Variants in MAP1B observed in about 807,000 individuals in gnomAD.
MAP1B encodes microtubule-associated protein 1B.
Under a neutral mutation model 176.1 loss-of-function variants are expected in MAP1B, and 12 were observed. The ratio of observed to expected loss-of-function variants is 0.07; its 90% CI spans 0.04 to 0.11. MAP1B has a LOEUF of 0.11. Among genes scored for constraint, MAP1B ranks in the 10% least tolerant of loss-of-function variants. The pLI is 1.00. For missense variants in MAP1B, 2,523 were observed against 2,990.5 expected, an observed-to-expected ratio of 0.84 and a Z score of 3.65; for synonymous variants, 1,044 against 1,135.0, an observed-to-expected ratio of 0.92 and a Z score of 1.61.
In MAP1B at chr5:72,193,894, C is replaced by T. The variant is rs759211941; in HGVS notation, c.539C>T (p.Pro180Leu). The part of the protein sequence containing the change: ...EIGELLSTTH[P>L]ANKASLTLFC... ...GGGGAGTTACTAAGCACCACCCATC[C>T]TGCCAACAAAGCCAGCTTAACCCTG... The change falls in exon 5 of 7, where the codon CCT becomes CTT. Residue 180 changes from proline (P) to leucine (L), a missense_variant. By Grantham distance (98) the Pro-to-Leu change is moderately conservative. Transcript: ENST00000296755. The T allele has an allele frequency of 6.2e-7, 1 of 1,605,744 alleles. No homozygotes were observed. The highest frequency in any genetic ancestry group is 1.1e-5 in the South Asian group (1 of 89,168).
intron 2 of MAP1B, chr5:72,116,501 G>A (rs1230029977): frequency 7.7e-6 from 3 of 387,942 alleles, no homozygotes; most frequent in East Asian, 1.6e-4. Flanking sequence ...CCACTAACCA[G>A]CCACCTTCCT....
chr5:72,177,851 G>A (rs1037121568), intron 2 of MAP1B, among the ~76,000 whole-genome samples: 4 of 152,044 alleles, frequency 2.6e-5, no homozygotes, highest in African/African-American at 9.7e-5. Context: ...AGAGGTTTCC[G>A]CTCAAAAAAA....
At chr5:72,137,878 T>TA (rs1188047819) in intron 2 of MAP1B, among the ~76,000 whole-genome samples, 1 of 152,184 alleles carries the variant, frequency 6.6e-6, no homozygotes, top group East Asian at 1.9e-4. Context: ...CTCAATCAAT[T>TA]ACTCATTTTT....
chr5:72,173,406 G>GA (rs1013916042), intron 2 of MAP1B, among the ~76,000 whole-genome samples: 2 of 152,152 alleles, frequency 1.3e-5, no homozygotes, highest in Non-Finnish European at 2.9e-5. Context: ...TTAACCTCCA[G>GA]AAAACCATGT....
chr5:72,129,436 A>G (rs1256180938), intron 2 of MAP1B, among the ~76,000 whole-genome samples: 2 of 152,176 alleles, frequency 1.3e-5, no homozygotes, highest in Non-Finnish European at 2.9e-5. Context: ...AGGCACCTGT[A>G]GTCCCAGCTA....
rs757330199 is a variant in MAP1B, at chr5:72,198,362, C to T, written c.5007C>T (p.His1669=). ...AMDFSRQSPD[H]PTVGAGVLHI... The stretch of plus-strand genomic sequence containing the variant: ...ACTTCAGTCGACAGTCTCCAGATCA[C>T]CCTACAGTGGGTGCAGGCGTGCTTC... The change falls in exon 5 of 7, where the codon CAC becomes CAT. Residue 1669 remains histidine, a synonymous_variant. Transcript: ENST00000296755. 15 of 1,614,162 alleles carry T rather than the reference C, an allele frequency of 9.3e-6. No individual in the cohort carries two copies. Among genetic ancestry groups the T allele is most frequent in the Admixed American group, 1.7e-5 (1 of 60,024 alleles).
rs531243566 is a variant in MAP1B at position 72,189,018 on chromosome 5, C to T, written c.510+2264C>T. Among the ~76,000 whole-genome samples the T allele has an allele frequency of 4.6e-5, 7 of 152,226 alleles. No homozygotes were observed. The East Asian group carries it at 1.3e-3, about 29-fold the overall frequency. ...GTTGAGTAACTGAATAACAAACGGA[C>T]CTTGAAGACCACTTGTTGTCCAGCT... is the stretch of plus-strand genomic sequence containing the variant. On this transcript the variant is annotated intron_variant, in intron 4 of 6. Coordinates refer to ENST00000296755, the MANE Select transcript of MAP1B (RefSeq NM_005909.5).
intron 4 of MAP1B, among the ~76,000 whole-genome samples, chr5:72,190,327 C>T (rs1392084583): frequency 6.6e-6 from 1 of 152,112 alleles, no homozygotes; most frequent in Non-Finnish European, 1.5e-5. Flanking sequence ...AAGTACAGGG[C>T]CATGCCAATG....
rs758343108 is a variant in MAP1B, at chr5:72,200,010, A to G, written c.6655A>G (p.Met2219Val). The stretch of plus-strand genomic sequence containing the variant: ...TTCGCCACGCCACCCTGATGTGTCC[A>G]TGGTGGACCCAGAGGCCTTGGCCAT... ...SPSPRHPDVS[M>V]VDPEALAIEQ... is the part of the protein sequence containing the mutation. Residue 2219 changes from methionine (M) to valine (V), a missense_variant, in exon 5 of 7, where the codon ATG (methionine) becomes GTG (valine). Around this residue, in one of 4 missense-constraint regions of MAP1B, gnomAD observed 287 missense variants for 401.5 expected, o/e 0.71. Transcript: ENST00000296755. The G allele has an allele frequency of 6.2e-7, 1 of 1,614,228 alleles. No homozygotes were observed. The highest frequency in any genetic ancestry group is 1.3e-5 in the African/African-American group (1 of 75,052).
At chr5:72,165,402 C>T (rs1218225140) in intron 2 of MAP1B, among the ~76,000 whole-genome samples, 5 of 152,080 alleles carry the variant, frequency 3.3e-5, no homozygotes, top group South Asian at 2.1e-4. Context: ...ACGTCAAGTC[C>T]ACAGACCCAG....
At chr5:72,162,593 T>TA (rs199657775) in intron 2 of MAP1B, among the ~76,000 whole-genome samples, 13 of 151,570 alleles carry the variant, frequency 8.6e-5, no homozygotes, top group African/African-American at 2.4e-4. Context: ...GAAATATTTC[T>TA]AAAAAAAAAT....
chr5:72,113,264 A>G (rs952365329), intron 1 of MAP1B, among the ~76,000 whole-genome samples: 1 of 152,202 alleles, frequency 6.6e-6, no homozygotes, highest in African/African-American at 2.4e-5. Context: ...CCTTTATTTT[A>G]TAAGTGGTAG....
In MAP1B at chr5:72,205,606, A is replaced by C; in HGVS notation, c.*367A>C. 5.9e-6 allele frequency: 1 copy of C among 168,336 alleles called. No homozygotes were observed. The highest frequency in any genetic ancestry group is 1.3e-5 in the Non-Finnish European group (1 of 77,708). The allele number at this position is 168,336 out of a possible 1,614,324, so 10.4% of individuals were successfully genotyped here. A position where few individuals can be genotyped will look rare whatever the true frequency, so the allele number is the denominator to read the frequency against. On this transcript the variant is annotated 3_prime_UTR_variant, in exon 7 of 7. Transcript: ENST00000296755. The stretch of plus-strand genomic sequence containing the variant: ...GAGAGAGAGTGAGAGCACAAAGATA[A>C]CGCAGGAGAGAGAGAGAGAAAGAAT...
At chr5:72,155,978 G>T (rs1473555722) in intron 2 of MAP1B, among the ~76,000 whole-genome samples, 1 of 152,066 alleles carries the variant, frequency 6.6e-6, no homozygotes, top group East Asian at 1.9e-4. Context: ...CATTGGTCAG[G>T]TTGGTCTTGA....
Position 72,196,392 on chromosome 5 carries a change from G to C in MAP1B, c.3037G>C (p.Ala1013Pro), listed in dbSNP as rs775639397. 5 of 1,614,022 alleles carry C rather than the reference G, an allele frequency of 3.1e-6. No homozygotes were observed. Among genetic ancestry groups the C allele is most frequent in the Admixed American group, 3.3e-5 (2 of 60,026 alleles). Reference protein sequence around the residue: ...DMDEAIEKGEAEQSEEEADEE... With the variant: ...DMDEAIEKGEPEQSEEEADEE... ...GGATGAGGCCATTGAGAAAGGAGAGGCTGAACAATCTGAAGAGGAGGCTGA... is the reference window on the plus strand; with the variant it reads ...GGATGAGGCCATTGAGAAAGGAGAGCCTGAACAATCTGAAGAGGAGGCTGA... The change falls in exon 5 of 7, where the codon GCT (alanine) becomes CCT (proline). Residue 1013 changes from alanine (A) to proline (P), a missense_variant. This residue lies in a region of MAP1B where 1,925 missense variants were observed against 2,126.0 expected (regional missense o/e 0.91). Transcript: ENST00000296755. The surrounding 1 kb of genome is among the most constrained non-coding windows in gnomAD (Gnocchi z 5.3).
At position 72,194,131 on chromosome 5, in the gene MAP1B, A is replaced by T; in HGVS notation, c.776A>T (p.Lys259Met). The T allele has an allele frequency of 1.2e-6, 2 of 1,614,224 alleles. No individual in the cohort carries two copies. Among genetic ancestry groups the T allele is most frequent in the Non-Finnish European group, 1.7e-6 (2 of 1,180,034 alleles). ...PTSGGFLKLS[K>M]PCCYIFPGGR... is the part of the protein sequence containing the mutation. ...TCGGGTGGATTTCTGAAGCTCTCCA[A>T]GCCCTGCTGTTATATTTTTCCAGGA... Residue 259 changes from lysine to methionine, a missense_variant, in exon 5 of 7, where the codon AAG becomes ATG. Lys to Met is a moderately conservative substitution (Grantham distance 95). Around this residue, in one of 4 missense-constraint regions of MAP1B, gnomAD observed 307 missense variants for 438.4 expected, o/e 0.70. Coordinates refer to ENST00000296755, the MANE Select transcript of MAP1B (RefSeq NM_005909.5). The surrounding 1 kb of genome is among the most constrained non-coding windows in gnomAD (Gnocchi z 7.2).
chr5:72,154,787 G>A (rs1296215422), intron 2 of MAP1B, among the ~76,000 whole-genome samples: 10 of 152,186 alleles, frequency 6.6e-5, no homozygotes, highest in African/African-American at 2.2e-4. Context: ...CATCTCACTG[G>A]TTCCTCTGTG....
intron 2 of MAP1B, among the ~76,000 whole-genome samples, chr5:72,146,961 C>CT (rs549281263): frequency 0.078 from 10,535 of 134,904 alleles, 498 homozygotes; most frequent in Non-Finnish European, 0.093. Flanking sequence ...TCCAAATCTT[C>CT]TTTTTTTTTT....
intron 2 of MAP1B, among the ~76,000 whole-genome samples, chr5:72,161,557 G>A (rs1746324205): frequency 6.6e-6 from 1 of 152,180 alleles, no homozygotes; most frequent in African/African-American, 2.4e-5. Context: ...AGTCACAGTG[G>A]CATTCCTGAC....
Sources: allele counts gnomAD v4.1 joint callset (sites outside exome capture counted in the v4.1 genomes callset), GRCh38; gene constraint gnomAD v4.1.1; regional missense constraint gnomAD v4.1.1; non-coding constraint Gnocchi (gnomAD v3.1); transcripts MANE v1.5; gene names NCBI Gene and HGNC (gene_info 2026-07-23, HGNC 2026-07-21).